SLC12A9: variants seen among roughly 807,000 people sequenced by gnomAD.
SLC12A9 encodes solute carrier family 12 member 9.
Under a neutral mutation model 66.0 loss-of-function variants are expected in SLC12A9, and 55 were observed. That is an observed-to-expected ratio of 0.83 (90% CI 0.67 to 1.04). The LOEUF is 1.04. SLC12A9 is among the 50% of genes least tolerant of loss of function. The pLI is 0.00. For synonymous variants in SLC12A9, 577 were observed against 569.0 expected (o/e 1.01, Z -0.20); for missense variants, 1,061 against 1,241.9 (o/e 0.85, Z 2.19).
intron 3 of SLC12A9, among the ~76,000 whole-genome samples, chr7:100,855,268 A>AC (rs1412335043): frequency 5.6e-5 from 8 of 141,718 alleles, no homozygotes; most frequent in Admixed American, 1.5e-4. Flanking sequence ...CACTATAGGC[A>AC]TGTACCACCA....
chr7:100,859,204 T>G, intron 7 of SLC12A9, 43 bp downstream of exon 7: 1 of 1,570,434 alleles, frequency 6.4e-7, no homozygotes. Context: ...ACAAGATTGG[T>G]GCACCTGGGT....
rs1042059563 is a variant in SLC12A9 at position 100,861,684 on chromosome 7, G to A, written c.1537-53G>A. 20 of 1,612,288 alleles carry A rather than the reference G, an allele frequency of 1.2e-5. No homozygotes were observed. Among genetic ancestry groups the A allele is most frequent in the African/African-American group, 1.2e-4 (9 of 74,874 alleles). On this transcript the variant is annotated intron_variant, in intron 11 of 13. Transcript: ENST00000354161. The surrounding 1 kb of genome is among the most constrained non-coding windows in gnomAD (Gnocchi z 5.3). ...TGCTCCCGTCCAGGAGGCGCTGAACGGGGCTGTGCATTTGATCCTGCCACT... is the reference window on the plus strand; with the variant it reads ...TGCTCCCGTCCAGGAGGCGCTGAACAGGGCTGTGCATTTGATCCTGCCACT...
chr7:100,861,763 C>T lies in SLC12A9; in HGVS notation c.1563C>T (p.Asp521=), dbSNP rs150865811. The part of the protein sequence containing the change: ...HQVRKYLLRL[D]VRKDHVKFWR... Reference sequence around the variant, plus strand: ...TGCGTAAGTATCTGCTTCGGCTGGACGTCCGGAAGGATCACGTGAAGTTCT... The same window carrying T: ...TGCGTAAGTATCTGCTTCGGCTGGATGTCCGGAAGGATCACGTGAAGTTCT... Residue 521 remains aspartate (D), a synonymous_variant, in exon 12 of 14, where the codon GAC becomes GAT. Transcript: ENST00000354161. This position sits in a 1 kb window ranked among gnomAD's most constrained non-coding sequence, Gnocchi z 5.3. 123 of 1,614,144 alleles carry T rather than the reference C, an allele frequency of 7.6e-5. No homozygotes were observed. Among genetic ancestry groups the T allele is most frequent in the Non-Finnish European group, 9.8e-5 (116 of 1,180,010 alleles).
intron 1 of SLC12A9, among the ~76,000 whole-genome samples, chr7:100,834,829 C>T (rs572601922): frequency 6.6e-6 from 1 of 152,146 alleles, no homozygotes; most frequent in Non-Finnish European, 1.5e-5. Flanking sequence ...GATTGCACCA[C>T]TGCATTCCAG....
chr7:100,855,606 G>C (rs1814338791), intron 3 of SLC12A9, 100 bp from the exon 4 acceptor site: 6 of 1,532,166 alleles, frequency 3.9e-6, no homozygotes, highest in Non-Finnish European at 5.4e-6. Flanking sequence ...CACATGGCTG[G>C]GGCCTGGCTG....
chr7:100,864,911 A>G (rs947313906), intron 13 of SLC12A9, among the ~76,000 whole-genome samples: 1 of 152,200 alleles, frequency 6.6e-6, no homozygotes, highest in Non-Finnish European at 1.5e-5. Context: ...GGTAAAACCT[A>G]CTAGGGTTAG....
chr7:100,831,588 C>T (rs917949698), intron 1 of SLC12A9, among the ~76,000 whole-genome samples: 1 of 152,196 alleles, frequency 6.6e-6, no homozygotes, highest in African/African-American at 2.4e-5. Flanking sequence ...AGCAATCTTT[C>T]CTCAGCCTCC....
intron 1 of SLC12A9, among the ~76,000 whole-genome samples, chr7:100,842,785 G>C (rs1461487162): frequency 6.6e-6 from 1 of 152,250 alleles, no homozygotes; most frequent in African/African-American, 2.4e-5. Flanking sequence ...GGCCCAGACT[G>C]TCCCCCTTCC....
chr7:100,859,968 C>A lies in SLC12A9; in HGVS notation c.1061C>A (p.Ala354Glu), dbSNP rs747941973. The change falls in exon 8 of 14, where the codon GCG becomes GAG. Residue 354 changes from alanine (A) to glutamate (E), a missense_variant. Physicochemically the swap from Ala to Glu is moderately radical, Grantham distance 107. Transcript: ENST00000354161. ...PLVLIGIYATALSASMSSLIG... is the reference protein window; with the variant it reads ...PLVLIGIYATELSASMSSLIG... ...GTGTTGATCGGAATCTATGCCACAG[C>A]GCTCTCAGCGTCCATGAGCTCGCTC... The A allele has an allele frequency of 1.2e-6, 2 of 1,613,240 alleles. No individual in the cohort carries two copies. The highest frequency in any genetic ancestry group is 1.3e-5 in the African/African-American group (1 of 74,910).
Position 100,861,682 on chromosome 7 carries a change from A to G in SLC12A9, c.1537-55A>G, listed in dbSNP as rs945139221. ...GGTGCTCCCGTCCAGGAGGCGCTGAACGGGGCTGTGCATTTGATCCTGCCA... is the reference window on the plus strand; with the variant it reads ...GGTGCTCCCGTCCAGGAGGCGCTGAGCGGGGCTGTGCATTTGATCCTGCCA... On this transcript the variant is annotated intron_variant, in intron 11 of 13. Transcript: ENST00000354161. The surrounding 1 kb of genome is among the most constrained non-coding windows in gnomAD (Gnocchi z 5.3). 2 of 1,612,532 alleles carry G rather than the reference A, an allele frequency of 1.2e-6. No individual in the cohort carries two copies. The highest frequency in any genetic ancestry group is 1.7e-6 in the Non-Finnish European group (2 of 1,178,762).
upstream of SLC12A9, chr7:100,852,645 C>G (rs1329708687): frequency 1.7e-5 from 1 of 59,428 alleles, no homozygotes; most frequent in Non-Finnish European, 3.3e-5. Flanking sequence ...GAGGGTCGGG[C>G]TTCTCCGGGC....
chr7:100,835,355 T>TA (rs57845433), intron 1 of SLC12A9, among the ~76,000 whole-genome samples: 39,015 of 122,548 alleles, frequency 0.32, 5,397 homozygotes, highest in Middle Eastern at 0.52. Context: ...GCTCTGTCTT[T>TA]AAAAAAAAAA....
Position 100,861,349 on chromosome 7 carries a change from G to T in SLC12A9, c.1344-43G>T. ...GCTGGGGACTGCAGCCTCGTGTGCG[G>T]CCTGCCCTGAGTTTCTGTCCCTCCT... On this transcript the variant is annotated intron_variant, in intron 10 of 13. Coordinates refer to ENST00000354161, the MANE Select transcript of SLC12A9 (RefSeq NM_020246.4). The surrounding 1 kb of genome is among the most constrained non-coding windows in gnomAD (Gnocchi z 5.3). 1 of 1,611,626 alleles carries T rather than the reference G, an allele frequency of 6.2e-7. No homozygotes were observed. The highest frequency in any genetic ancestry group is 8.5e-7 in the Non-Finnish European group (1 of 1,178,258).
chr7:100,850,422 T>A (rs558981248), upstream of SLC12A9, among the ~76,000 whole-genome samples: 43 of 151,544 alleles, frequency 2.8e-4, no homozygotes, highest in African/African-American at 9.7e-4. Flanking sequence ...TAAAAAAAAA[T>A]TAGAGACAGT....
In SLC12A9 at chr7:100,846,962, C is replaced by T. The variant is rs1266655643; in HGVS notation, n.229-12923C>T. ...TCCTGTTTTCTTCCAATCTAATTAC[C>T]GGTGCATGCAGCCCCCAGTCACGTA... On this transcript the variant is annotated intron_variant and non_coding_transcript_variant, in intron 1 of 1. Coordinates refer to the SLC12A9 transcript ENST00000461016. 2.0e-5 allele frequency among the ~76,000 whole-genome samples: 3 copies of T among 152,066 alleles called. No homozygotes were observed. In the East Asian group the frequency reaches 5.8e-4, roughly 29 times the overall value.
chr7:100,865,319 T>A, intron 13 of SLC12A9: 1 of 1,535,880 alleles, frequency 6.5e-7, no homozygotes, highest in Non-Finnish European at 8.7e-7. Flanking sequence ...GGGATTCAGG[T>A]CATGAGCTTG....
intron 7 of SLC12A9, 130 bp downstream of exon 7, chr7:100,859,291 T>C: frequency 1.2e-6 from 1 of 827,648 alleles, no homozygotes; most frequent in Admixed American, 2.1e-5. Flanking sequence ...CTACCGGCGA[T>C]TGACAACCTA....
chr7:100,844,435 C>A (rs914740271), intron 1 of SLC12A9, among the ~76,000 whole-genome samples: 1 of 152,100 alleles, frequency 6.6e-6, no homozygotes, highest in Non-Finnish European at 1.5e-5. Context: ...GGTGCCCAAA[C>A]AAGTCACGTT....
intron 1 of SLC12A9, among the ~76,000 whole-genome samples, chr7:100,834,352 G>T (rs1813601210): frequency 6.6e-6 from 1 of 152,152 alleles, no homozygotes; most frequent in African/African-American, 2.4e-5. Context: ...GTTTTTGCAG[G>T]ACTGCTCTGG....
Sources: gnomAD v4.1 joint callset for allele counts (sites outside exome capture counted in the v4.1 genomes callset) on GRCh38, gnomAD v4.1.1 for gene constraint, Gnocchi (gnomAD v3.1) non-coding constraint, MANE v1.5 for transcripts, NCBI Gene and HGNC (gene_info 2026-07-23, HGNC 2026-07-21) for gene names.